RGS7: variants seen among roughly 807,000 people sequenced by gnomAD.
RGS7 encodes regulator of G protein signaling 7, also known as regulator of G-protein signaling 7.
RGS7 carries 27 observed loss-of-function variants against 81.1 expected under a neutral mutation model. The observed-to-expected ratio is 0.33, with a 90% CI of 0.25 to 0.46. The LOEUF (loss-of-function observed/expected upper bound fraction) is 0.46, where lower values mean the gene tolerates loss of function less well. RGS7 is among the 20% of genes least tolerant of loss of function. RGS7 has a pLI of 1.00. For synonymous variants in RGS7, 208 were observed against 207.7 expected (o/e 1.00, Z -0.01); for missense variants, 396 against 607.4 (o/e 0.65, Z 3.66).
intron 14 of RGS7, among the ~76,000 whole-genome samples, 174 bp from the exon 15 acceptor site, chr1:240,806,500 GATT>G (rs1182452410): frequency 2.7e-5 from 4 of 149,892 alleles, no homozygotes; most frequent in African/African-American, 4.9e-5. Context: ...TTCTTTGGAA[GATT>G]ATTATGAAAA....
chr1:240,838,313 A>G (rs962929669), intron 9 of RGS7, among the ~76,000 whole-genome samples: 1 of 152,176 alleles, frequency 6.6e-6, no homozygotes, highest in Non-Finnish European at 1.5e-5. Context: ...AAGAACCTTC[A>G]TGACCTAATC....
intron 2 of RGS7, among the ~76,000 whole-genome samples, chr1:241,125,431 C>G (rs113836597): frequency 0.2 from 18,900 of 95,410 alleles, 1,752 homozygotes; most frequent in African/African-American, 0.52. Context: ...GACATGGACA[C>G]ACACACACAC....
intron 9 of RGS7, among the ~76,000 whole-genome samples, chr1:240,860,893 A>ATG (rs1662077124): frequency 5.9e-5 from 9 of 152,158 alleles, no homozygotes; most frequent in Admixed American, 5.9e-4. Flanking sequence ...TCATGTCATC[A>ATG]CACTCAGCAT....
At chr1:240,951,496 T>G (rs1679551529) in intron 4 of RGS7, among the ~76,000 whole-genome samples, 1 of 151,846 alleles carries the variant, frequency 6.6e-6, no homozygotes, top group African/African-American at 2.4e-5. Flanking sequence ...AAAAAAGAAA[T>G]AAAGAATATC....
intron 2 of RGS7, among the ~76,000 whole-genome samples, chr1:241,320,432 A>G (rs1483388549): frequency 6.6e-6 from 1 of 152,244 alleles, no homozygotes; most frequent in African/African-American, 2.4e-5. Flanking sequence ...TGCCTTCTGA[A>G]TAAAGAAATG....
intron 6 of RGS7, among the ~76,000 whole-genome samples, chr1:240,882,792 C>T (rs1361655831): frequency 6.6e-6 from 1 of 152,166 alleles, no homozygotes; most frequent in Non-Finnish European, 1.5e-5. Context: ...TCAGCTCCCT[C>T]TGCATTCATC....
chr1:240,803,733 CT>C (rs778068517), intron 15 of RGS7, among the ~76,000 whole-genome samples: 4 of 151,926 alleles, frequency 2.6e-5, no homozygotes, highest in Non-Finnish European at 4.4e-5. Context: ...AGGTTCCACT[CT>C]GGTCTACCGC....
intron 3 of RGS7, among the ~76,000 whole-genome samples, chr1:241,011,379 C>T (rs917040076): frequency 1.9e-4 from 29 of 152,212 alleles, no homozygotes; most frequent in Admixed American, 3.3e-4. Context: ...TGAAAGAGGC[C>T]ATGGATGCTG....
chr1:240,887,727 C>A (rs1041081464), intron 6 of RGS7, among the ~76,000 whole-genome samples: 1 of 152,036 alleles, frequency 6.6e-6, no homozygotes, highest in Non-Finnish European at 1.5e-5. Context: ...TAAATTATCT[C>A]AAAATATATT....
At position 241,026,016 on chromosome 1, in the gene RGS7, G is replaced by A. The variant is rs577198000; in HGVS notation, c.176-42887C>T. ...TACTTTCTAAAGCAGCAATACAAAT[G>A]TATATTGGCAAATTGTCTCTTTAAT... On this transcript the variant is annotated intron_variant, in intron 3 of 18. Transcript: ENST00000440928. 2.6e-5 allele frequency among the ~76,000 whole-genome samples: 4 copies of A among 152,308 alleles called. No homozygotes were observed. In the South Asian group the frequency reaches 8.3e-4, roughly 32 times the overall value.
rs543820435 is a variant in RGS7 at position 240,826,863 on chromosome 1, T to C, written c.684+235A>G. On this transcript the variant is annotated intron_variant, in intron 10 of 18. Transcript: ENST00000440928. The stretch of plus-strand genomic sequence containing the variant: ...TCAGTATCAGGTTTTCTAAAGATGA[T>C]TTCCTTAGAAATCCTGTTCCTCTCG... 1.8e-4 allele frequency among the ~76,000 whole-genome samples: 28 copies of C among 152,178 alleles called. No individual in the cohort carries two copies. The South Asian group carries it at 5.8e-3, about 32-fold the overall frequency.
chr1:241,060,071 T>C (rs1558659004), intron 3 of RGS7, among the ~76,000 whole-genome samples: 1 of 152,074 alleles, frequency 6.6e-6, no homozygotes, highest in Non-Finnish European at 1.5e-5. Context: ...CCAGTTCCTC[T>C]CTCCTGTCCC....
At chr1:240,951,324 A>G (rs926569447) in intron 4 of RGS7, among the ~76,000 whole-genome samples, 1 of 152,228 alleles carries the variant, frequency 6.6e-6, no homozygotes, top group African/African-American at 2.4e-5. Flanking sequence ...TATGACACAG[A>G]AATTGGAATT....
At chr1:241,189,915 C>G (rs1180895701) in intron 2 of RGS7, among the ~76,000 whole-genome samples, 1 of 151,082 alleles carries the variant, frequency 6.6e-6, no homozygotes, top group Admixed American at 6.6e-5. Context: ...GGAGATCGAG[C>G]CCACGGTGAA....
At chr1:241,207,248 T>TTCTCTCTCTC (rs149671121) in intron 2 of RGS7, among the ~76,000 whole-genome samples, 28,586 of 149,354 alleles carry the variant, frequency 0.19, 2,856 homozygotes, top group Middle Eastern at 0.24. Flanking sequence ...GTTTCTTTCT[T>TTCTCTCTCTC]TCTCTCTCTC....
intron 9 of RGS7, among the ~76,000 whole-genome samples, chr1:240,863,092 T>C (rs993399411): frequency 8.5e-5 from 13 of 152,136 alleles, no homozygotes; most frequent in African/African-American, 3.1e-4. Flanking sequence ...GTAGCTAGGA[T>C]TATAGGCATG....
At chr1:240,838,179 G>T (rs1695020085) in intron 9 of RGS7, among the ~76,000 whole-genome samples, 1 of 152,202 alleles carries the variant, frequency 6.6e-6, no homozygotes, top group South Asian at 2.1e-4. Context: ...GAAAGATTTT[G>T]TGTTGGGTGA....
chr1:240,785,344 T>G (rs1684887921), intron 18 of RGS7, among the ~76,000 whole-genome samples: 1 of 152,180 alleles, frequency 6.6e-6, no homozygotes. Context: ...GAACTTCCTA[T>G]CTATGTCCTT....
At chr1:240,883,884 TG>T (rs1190803270) in intron 6 of RGS7, among the ~76,000 whole-genome samples, 1 of 152,024 alleles carries the variant, frequency 6.6e-6, no homozygotes, top group Admixed American at 6.6e-5. Flanking sequence ...AAGACCAGCC[TG>T]GCCAACATGG....
Sources: allele counts gnomAD v4.1 joint callset (sites outside exome capture counted in the v4.1 genomes callset), GRCh38; gene constraint gnomAD v4.1.1; transcripts MANE v1.5; gene names NCBI Gene and HGNC (gene_info 2026-07-23, HGNC 2026-07-21).